The following TBC1D5 variants were observed in gnomAD, a reference collection of about 807,000 sequenced individuals.
TBC1D5 encodes TBC1 domain family, member 5.
Under a neutral mutation model 100.3 loss-of-function variants are expected in TBC1D5, and 75 were observed. The observed-to-expected ratio is 0.75, with a 90% CI of 0.62 to 0.91. The LOEUF (loss-of-function observed/expected upper bound fraction) is 0.91. Ranked by LOEUF, TBC1D5 falls within the 40% of genes least tolerant of loss-of-function variation. The pLI is 0.00. For missense variants in TBC1D5, 910 were observed against 942.4 expected, an observed-to-expected ratio of 0.97 and a Z score of 0.45; for synonymous variants, 323 against 325.6, an observed-to-expected ratio of 0.99 and a Z score of 0.09.
chr3:17,236,434 A>T (rs1440444934), intron 17 of TBC1D5, among the ~76,000 whole-genome samples: 2 of 152,140 alleles, frequency 1.3e-5, no homozygotes, highest in African/African-American at 4.8e-5. Context: ...CTCTTTTTTT[A>T]AAAAAATGTG....
chr3:17,187,365 G>C (rs1261002416), intron 18 of TBC1D5, among the ~76,000 whole-genome samples: 1 of 152,158 alleles, frequency 6.6e-6, no homozygotes, highest in Admixed American at 6.6e-5. Flanking sequence ...AGAAGTTTAG[G>C]CTACAATATT....
At chr3:17,438,690 T>A (rs1200694510) in intron 3 of TBC1D5, among the ~76,000 whole-genome samples, 2 of 152,222 alleles carry the variant, frequency 1.3e-5, no homozygotes, top group Non-Finnish European at 2.9e-5. Context: ...GAGCACAGAC[T>A]AATACATGAT....
exon 12 of TBC1D5, chr3:17,374,504 A>C: frequency 6.2e-7 from 1 of 1,612,192 alleles, no homozygotes; most frequent in Non-Finnish European, 8.5e-7. Context: ...TTGAAAACCA[A>C]GGTTCAGCAG....
At chr3:17,240,212 G>A (rs2076196154) in intron 16 of TBC1D5, among the ~76,000 whole-genome samples, 1 of 152,030 alleles carries the variant, frequency 6.6e-6, no homozygotes, top group Non-Finnish European at 1.5e-5. Flanking sequence ...TAATGTTATG[G>A]GCTAGGTATT....
intron 1 of TBC1D5, among the ~76,000 whole-genome samples, chr3:17,629,961 C>G (rs190412072): frequency 1.3e-5 from 2 of 152,106 alleles, no homozygotes; most frequent in African/African-American, 4.8e-5. Context: ...AAAACTAATA[C>G]ATGAGGGCTA....
chr3:17,250,484 T>C (rs1461565448), intron 16 of TBC1D5, among the ~76,000 whole-genome samples: 1 of 152,176 alleles, frequency 6.6e-6, no homozygotes, highest in African/African-American at 2.4e-5. Flanking sequence ...TCCTACTATC[T>C]CTCCAACCTC....
At chr3:17,177,513 C>A (rs1034640847) in intron 19 of TBC1D5, among the ~76,000 whole-genome samples, 1 of 152,168 alleles carries the variant, frequency 6.6e-6, no homozygotes, top group African/African-American at 2.4e-5. Flanking sequence ...ATGTTTGAAG[C>A]ATGGGGTTAT....
intron 16 of TBC1D5, among the ~76,000 whole-genome samples, chr3:17,252,559 T>A (rs2077264819): frequency 6.6e-6 from 1 of 152,214 alleles, no homozygotes; most frequent in East Asian, 1.9e-4. Context: ...ATTTAAGATG[T>A]ATCCACATTC....
intron 14 of TBC1D5, among the ~76,000 whole-genome samples, chr3:17,300,713 T>C (rs2082734908): frequency 6.6e-6 from 1 of 152,184 alleles, no homozygotes; most frequent in Non-Finnish European, 1.5e-5. Context: ...AACTTTTCCA[T>C]TTATGGTGTT....
At chr3:17,652,342 A>C (rs547024926) in intron 1 of TBC1D5, among the ~76,000 whole-genome samples, 9 of 152,270 alleles carry the variant, frequency 5.9e-5, no homozygotes, top group African/African-American at 1.9e-4. Context: ...AAAATAAATT[A>C]TTTATAAAGG....
intron 2 of TBC1D5, among the ~76,000 whole-genome samples, chr3:17,522,223 T>C (rs554888111): frequency 1.2e-4 from 18 of 152,156 alleles, no homozygotes; most frequent in African/African-American, 4.3e-4. Context: ...ACGTTGACTG[T>C]AATGGTTCCA....
chr3:17,161,650 T>TTTAAC (rs1433001276), intron 21 of TBC1D5, among the ~76,000 whole-genome samples: 6 of 152,372 alleles, frequency 3.9e-5, no homozygotes, highest in Admixed American at 2.6e-4. Context: ...CTCCTTGAAC[T>TTTAAC]TTAACTTTCA....
intron 2 of TBC1D5, among the ~76,000 whole-genome samples, chr3:17,527,485 T>C (rs1472024016): frequency 6.6e-6 from 1 of 152,150 alleles, no homozygotes; most frequent in African/African-American, 2.4e-5. Flanking sequence ...TTGGGAGCTT[T>C]TGAGCAAGGG....
chr3:17,183,281 T>C (rs1034140212), intron 19 of TBC1D5, among the ~76,000 whole-genome samples: 2 of 152,140 alleles, frequency 1.3e-5, no homozygotes, highest in African/African-American at 4.8e-5. Flanking sequence ...TAAAAGCCTT[T>C]GTTTTCTGTC....
At chr3:17,270,201 G>A (rs1251082873) in intron 15 of TBC1D5, among the ~76,000 whole-genome samples, 1 of 152,154 alleles carries the variant, frequency 6.6e-6, no homozygotes, top group African/African-American at 2.4e-5. Context: ...ACTGGTGTGA[G>A]ATGGTATCTC....
intron 2 of TBC1D5, among the ~76,000 whole-genome samples, chr3:17,517,496 A>C (rs1343575687): frequency 6.6e-6 from 1 of 152,264 alleles, no homozygotes; most frequent in Non-Finnish European, 1.5e-5. Flanking sequence ...AAAGAACCAC[A>C]TACAGGTCAA....
chr3:17,530,835 A>C (rs531326875), intron 2 of TBC1D5, among the ~76,000 whole-genome samples: 2 of 152,356 alleles, frequency 1.3e-5, no homozygotes, highest in East Asian at 1.9e-4. Context: ...GACGTATCTC[A>C]AAATAATAAG....
chr3:17,241,193 T>A (rs559288684), intron 16 of TBC1D5, among the ~76,000 whole-genome samples: 18 of 152,296 alleles, frequency 1.2e-4, no homozygotes, highest in African/African-American at 4.3e-4. Flanking sequence ...ACAGTTTTTA[T>A]ACCAAAGTTA....
intron 18 of TBC1D5, among the ~76,000 whole-genome samples, chr3:17,199,952 G>A (rs1055814521): frequency 1.3e-5 from 2 of 152,202 alleles, no homozygotes; most frequent in Non-Finnish European, 2.9e-5. Context: ...GAGAAAAGTA[G>A]AGAAATGTGA....
Sources: gnomAD v4.1 joint callset for allele counts (sites outside exome capture counted in the v4.1 genomes callset) on GRCh38, gnomAD v4.1.1 for gene constraint, MANE v1.5 for transcripts, NCBI Gene and HGNC (gene_info 2026-07-23, HGNC 2026-07-21) for gene names.